The following LPCAT2 variants were observed in gnomAD, a reference collection of about 807,000 sequenced individuals.
The protein encoded by LPCAT2 is 1-AGP acyltransferase 11.
In LPCAT2, 58 loss-of-function variants were observed where a neutral mutation model predicts 64.7. That is an observed-to-expected ratio of 0.90 (90% CI 0.73 to 1.12). The LOEUF is 1.12. Ranked by LOEUF, LPCAT2 falls within the 50% of genes most tolerant of loss-of-function variation. LPCAT2 has a pLI of 0.00. For synonymous variants in LPCAT2, 252 were observed against 245.3 expected (o/e 1.03, Z -0.26); for missense variants, 579 against 669.8 (o/e 0.86, Z 1.50).
intron 2 of LPCAT2, among the ~76,000 whole-genome samples, chr16:55,526,583 A>G (rs1222620020): frequency 1.3e-5 from 2 of 152,226 alleles, no homozygotes; most frequent in Admixed American, 1.3e-4. Context: ...CAAAGTGGAA[A>G]TGAATTCAAT....
Position 55,551,021 on chromosome 16 carries a change from A to C in LPCAT2, c.1134A>C (p.Arg378Ser), listed in dbSNP as rs2142399852. 6.2e-7 allele frequency: 1 copy of C among 1,613,242 alleles called. No homozygotes were observed. The highest frequency in any genetic ancestry group is 8.5e-7 in the Non-Finnish European group (1 of 1,179,418). Residue 378 changes from arginine (R) to serine (S), a missense_variant, in exon 11 of 14, where the codon AGA becomes AGC. Transcript: ENST00000262134. ...TTGCGAGTTCCTCAAAAGGAGGAAG[A>C]ATTGGAATTGAAGAATTCGCCAAGT... ...ASIASSSKGG[R>S]IGIEEFAKYL...
intron 11 of LPCAT2, among the ~76,000 whole-genome samples, chr16:55,556,148 G>A (rs911135524): frequency 2.0e-5 from 3 of 152,108 alleles, no homozygotes; most frequent in South Asian, 2.1e-4. Flanking sequence ...GCGCAAGTTG[G>A]AAAATTAGAG....
chr16:55,545,906 C>T lies in LPCAT2; in HGVS notation c.935+89C>T, dbSNP rs1474791364. On this transcript the variant is annotated intron_variant, in intron 9 of 13. Transcript: ENST00000262134. The stretch of plus-strand genomic sequence containing the variant: ...ACTCATTTTAAGGATTTTTTTTTGA[C>T]CCCTGAAGGCCTCGTTCCCCAATTC... The T allele has an allele frequency of 6.7e-6, 6 of 889,796 alleles. No individual in the cohort carries two copies. The African/African-American group carries it at 6.9e-5, about 10-fold the overall frequency. 55.1% of individuals were successfully genotyped at this position (889,796 alleles called of 1,614,324 possible). A position where few individuals can be genotyped will look rare whatever the true frequency, so the allele number is the denominator to read the frequency against.
Position 55,509,281 on chromosome 16 carries a change from T to G in LPCAT2, c.100T>G (p.Ser34Ala). The change falls in exon 1 of 14, where the codon TCC (serine) becomes GCC (alanine). Residue 34 changes from serine to alanine, a missense_variant. Physicochemically the swap from Ser to Ala is moderately conservative, Grantham distance 99. Transcript: ENST00000262134. ...LRPPMVPRQA[S>A]FFPPPVPNPF... Reference sequence around the variant, plus strand: ...GCCGCCCATGGTGCCCCGTCAGGCGTCCTTCTTCCCGCCGCCGGTGCCGAA... The same window carrying G: ...GCCGCCCATGGTGCCCCGTCAGGCGGCCTTCTTCCCGCCGCCGGTGCCGAA... 6.6e-7 allele frequency: 1 copy of G among 1,513,162 alleles called. No individual in the cohort carries two copies. The highest frequency in any genetic ancestry group is 2.0e-5 in the Admixed American group (1 of 50,672). The allele number at this position is 1,513,162 out of a possible 1,614,324, so 93.7% of individuals were successfully genotyped here.
chr16:55,568,467 A>G (rs919204189), intron 11 of LPCAT2, among the ~76,000 whole-genome samples: 1 of 152,254 alleles, frequency 6.6e-6, no homozygotes, highest in East Asian at 1.9e-4. Context: ...TGGAATGTAA[A>G]CCAATATAGA....
chr16:55,552,397 G>T (rs1431010623), intron 11 of LPCAT2, among the ~76,000 whole-genome samples: 2 of 152,184 alleles, frequency 1.3e-5, no homozygotes, highest in African/African-American at 4.8e-5. Flanking sequence ...GACTATAGCT[G>T]TCATTCTAAG....
At chr16:55,529,690 C>T (rs1421402174) in intron 3 of LPCAT2, 145 bp from the exon 4 acceptor site, 1 of 445,030 alleles carries the variant, frequency 2.2e-6, no homozygotes, top group African/African-American at 2.0e-5. Context: ...AAATTAGAAG[C>T]TAAGTTCTAA....
At chr16:55,519,576 A>G (rs1238552888) in intron 1 of LPCAT2, among the ~76,000 whole-genome samples, 1 of 152,020 alleles carries the variant, frequency 6.6e-6, no homozygotes, top group African/African-American at 2.4e-5. Flanking sequence ...AAATAACACC[A>G]GATTGAGACT....
At chr16:55,526,054 C>T (rs913182390) in intron 2 of LPCAT2, 1 of 152,732 alleles carries the variant, frequency 6.5e-6, no homozygotes, top group African/African-American at 2.4e-5. Flanking sequence ...GCTTTTCTCC[C>T]TCTACAGCTT....
chr16:55,510,578 GGT>G (rs1962917887), intron 1 of LPCAT2, among the ~76,000 whole-genome samples: 1 of 152,194 alleles, frequency 6.6e-6, no homozygotes, highest in Admixed American at 6.5e-5. Context: ...AGTGGGGGAA[GGT>G]TAAGTGCAGA....
At chr16:55,552,786 T>A (rs899971930) in intron 11 of LPCAT2, among the ~76,000 whole-genome samples, 4 of 152,230 alleles carry the variant, frequency 2.6e-5, no homozygotes, top group African/African-American at 9.6e-5. Flanking sequence ...CTTCAGCAAG[T>A]TGTAATCTTC....
At position 55,534,343 on chromosome 16, in the gene LPCAT2, T is replaced by C. The variant is rs1963296399; in HGVS notation, c.763-100T>C. 4 of 754,164 alleles carry C rather than the reference T, an allele frequency of 5.3e-6. No individual in the cohort carries two copies. The Admixed American group carries it at 8.4e-5, about 16-fold the overall frequency. 46.7% of individuals were successfully genotyped at this position (754,164 alleles called of 1,614,324 possible). ...TTACTTCTCAACATGTTGCTTTTAA[T>C]TTCAGAAAAAATACATGAATCCCCA... On this transcript the variant is annotated intron_variant, in intron 6 of 13. Coordinates refer to ENST00000262134, the MANE Select transcript of LPCAT2 (RefSeq NM_017839.5).
At chr16:55,510,307 A>G (rs1340420465) in intron 1 of LPCAT2, among the ~76,000 whole-genome samples, 2 of 152,078 alleles carry the variant, frequency 1.3e-5, no homozygotes, top group African/African-American at 4.8e-5. Flanking sequence ...GCACAAAGGA[A>G]GTTTCCTTTC....
Position 55,574,744 on chromosome 16 carries a change from A to G in LPCAT2, c.1314+15A>G. ...TGGCATTTAAGGTACTGTCAGCCCC[A>G]TTGAAAGCATCTTGGTCTGCCTTGT... On this transcript the variant is annotated intron_variant, in intron 12 of 13. Transcript: ENST00000262134. 6.3e-7 allele frequency: 1 copy of G among 1,591,342 alleles called. No individual in the cohort carries two copies. Among genetic ancestry groups the G allele is most frequent in the Non-Finnish European group, 8.6e-7 (1 of 1,159,510 alleles).
intron 9 of LPCAT2, among the ~76,000 whole-genome samples, chr16:55,548,603 A>G (rs1963480027): frequency 6.6e-6 from 1 of 152,072 alleles, no homozygotes; most frequent in Admixed American, 6.6e-5. Context: ...GCTCACTGCA[A>G]CCTCTGCCTC....
intron 1 of LPCAT2, among the ~76,000 whole-genome samples, chr16:55,517,101 T>G (rs552508399): frequency 2.3e-3 from 347 of 151,698 alleles, no homozygotes; most frequent in Middle Eastern, 0.014. Context: ...TGAAAAAAAC[T>G]GACAAATATT....
chr16:55,537,682 T>A, intron 8 of LPCAT2, 50 bp downstream of exon 8: 1 of 1,524,986 alleles, frequency 6.6e-7, no homozygotes, highest in Non-Finnish European at 9.1e-7. Context: ...GCCTTTCCTT[T>A]AATTTTGAAC....
intron 1 of LPCAT2, among the ~76,000 whole-genome samples, chr16:55,522,394 A>T (rs935221570): frequency 6.6e-6 from 1 of 151,734 alleles, no homozygotes; most frequent in East Asian, 1.9e-4. Context: ...TATTAGGATG[A>T]CAATTTCCTC....
chr16:55,542,046 A>C (rs1435730437), intron 8 of LPCAT2: 2 of 1,021,518 alleles, frequency 2.0e-6, no homozygotes, highest in Non-Finnish European at 2.5e-6. Context: ...AATCTTCCTC[A>C]TCATTTTTTT....
Sources: gnomAD v4.1 joint callset for allele counts (sites outside exome capture counted in the v4.1 genomes callset) on GRCh38, gnomAD v4.1.1 for gene constraint, MANE v1.5 for transcripts, NCBI Gene and HGNC (gene_info 2026-07-23, HGNC 2026-07-21) for gene names.